The following SCN2A variants were observed in gnomAD, a reference collection of about 807,000 sequenced individuals.
The protein encoded by SCN2A is sodium voltage-gated channel alpha subunit 2, also known as sodium channel protein type 2 subunit alpha.
A neutral mutation model predicts 188.7 loss-of-function variants in SCN2A; 20 were observed. The observed-to-expected ratio is 0.11, with a 90% CI of 0.07 to 0.15. The LOEUF (loss-of-function observed/expected upper bound fraction) is 0.15. Among genes scored for constraint, SCN2A ranks in the 10% least tolerant of loss-of-function variants. The pLI is 1.00. For synonymous variants in SCN2A, 804 were observed against 833.1 expected, an observed-to-expected ratio of 0.97 and a Z score of 0.60; for missense variants, 1,278 against 2,445.0, an observed-to-expected ratio of 0.52 and a Z score of 10.07.
At chr2:165,290,713 A>G (rs1300861435) in intron 1 of SCN2A, 2 of 943,014 alleles carry the variant, frequency 2.1e-6, no homozygotes, top group East Asian at 2.3e-4. Flanking sequence ...TGAAGTTGAC[A>G]CTCATCATAG....
At chr2:165,368,919 TTACCTTTATTA>T (rs1190041667) in intron 19 of SCN2A, among the ~76,000 whole-genome samples, 4 of 145,468 alleles carry the variant, frequency 2.7e-5, no homozygotes, top group African/African-American at 4.9e-5. Context: ...TTTATTTTCT[TTACCTTTATTA>T]TTATTATTAT....
At chr2:165,274,306 A>G (rs941682675) in intron 1 of SCN2A, 1 of 151,444 alleles carries the variant, frequency 6.6e-6, no homozygotes, top group Non-Finnish European at 1.5e-5. Flanking sequence ...CCAATAGTAT[A>G]TTTATGGATT....
chr2:165,344,802 G>A lies in SCN2A; in HGVS notation c.2810G>A (p.Arg937His), dbSNP rs1553579488. 1 of 1,614,140 alleles carries A rather than the reference G, an allele frequency of 6.2e-7. No individual in the cohort carries two copies. The highest frequency in any genetic ancestry group is 8.5e-7 in the Non-Finnish European group (1 of 1,180,038). ...TTCCACTCCTTCCTGATCGTGTTCC[G>A]CGTGCTGTGTGGAGAGTGGATAGAG... ...DFFHSFLIVF[R>H]VLCGEWIETM... Residue 937 changes from arginine to histidine, a missense_variant, in exon 16 of 27, where the codon CGC (arginine) becomes CAC (histidine). Coordinates refer to ENST00000375437, the MANE Select transcript of SCN2A (RefSeq NM_001040142.2).
intron 14 of SCN2A, among the ~76,000 whole-genome samples, chr2:165,337,242 G>A (rs565848917): frequency 1.0e-3 from 154 of 152,148 alleles, no homozygotes; most frequent in Non-Finnish European, 1.9e-3. Context: ...TTGTTAACTT[G>A]GAGCACATTA....
Position 165,291,579 on chromosome 2 carries a change from C to CCTTCCTT in SCN2A, c.-51-4194_-51-4193insCTTCCTT, listed in dbSNP as rs1559340835. On this transcript the variant is annotated intron_variant, in intron 1 of 26. Transcript: ENST00000375437. ...TTCCTTCCTTCCTTCCTTCCTTTCTCTCTCTCTCTCTCTCTCTCTCTTTCT... is the reference window on the plus strand; with the variant it reads ...TTCCTTCCTTCCTTCCTTCCTTTCTCCTTCCTTTCTCTCTCTCTCTCTCTCTCTTTCT... 5.5e-5 allele frequency among the ~76,000 whole-genome samples: 4 copies of CCTTCCTT among 72,882 alleles called. 1 individual carries two copies. The East Asian group carries it at 2.0e-3, about 36-fold the overall frequency. The allele number at this position is 72,882 out of a possible 152,430, so 47.8% of individuals were successfully genotyped here. A position where few individuals can be genotyped will look rare whatever the true frequency, so the allele number is the denominator to read the frequency against.
intron 9 of SCN2A, 46 bp downstream of exon 9, chr2:165,313,807 A>T (rs758984495): frequency 3.1e-6 from 5 of 1,612,936 alleles, no homozygotes; most frequent in Non-Finnish European, 4.2e-6. Context: ...AAAACACCGA[A>T]CTCAAGAGAA....
rs920083210 is a variant in SCN2A at position 165,390,722 on chromosome 2, C to T, written c.*898C>T. ...CACAGTCCCAGCAGCATGACTATCA[C>T]ATTTTTGATAAGTGTCCTTTGGCAT... On this transcript the variant is annotated 3_prime_UTR_variant, in exon 27 of 27. Coordinates refer to ENST00000375437, the MANE Select transcript of SCN2A (RefSeq NM_001040142.2). 3.3e-5 allele frequency: 5 copies of T among 152,388 alleles called. No homozygotes were observed. Among genetic ancestry groups the T allele is most frequent in the Admixed American group, 2.6e-4 (4 of 15,230 alleles). 9.4% of individuals were successfully genotyped at this position (152,388 alleles called of 1,614,324 possible).
chr2:165,281,961 A>C lies in SCN2A; in HGVS notation c.-51-13812A>C, dbSNP rs531458044. 9.2e-5 allele frequency among the ~76,000 whole-genome samples: 14 copies of C among 152,222 alleles called. No individual in the cohort carries two copies. The South Asian group carries it at 2.7e-3, about 29-fold the overall frequency. On this transcript the variant is annotated intron_variant, in intron 1 of 26. Transcript: ENST00000375437. ...GTACTTCCTGCTGTGGATAGGTTCA[A>C]CACTACCTGCACCCCTGCTCCCTGC...
chr2:165,340,597 C>A (rs1212669489), intron 14 of SCN2A, among the ~76,000 whole-genome samples: 1 of 151,922 alleles, frequency 6.6e-6, no homozygotes, highest in Non-Finnish European at 1.5e-5. Context: ...AGGAGGTATG[C>A]TTGAACAGAA....
At chr2:165,244,778 T>C (rs769515605) in intron 1 of SCN2A, among the ~76,000 whole-genome samples, 1 of 152,188 alleles carries the variant, frequency 6.6e-6, no homozygotes, top group Non-Finnish European at 1.5e-5. Flanking sequence ...TTTGCTGGTA[T>C]CTAGGATTAG....
At chr2:165,267,516 A>G (rs760426382) in intron 1 of SCN2A, 2 of 152,014 alleles carry the variant, frequency 1.3e-5, no homozygotes, top group Admixed American at 6.6e-5. Flanking sequence ...AACAACTTAC[A>G]GAACACCTAA....
intron 11 of SCN2A, among the ~76,000 whole-genome samples, chr2:165,317,467 C>G (rs535896586): frequency 1.3e-5 from 2 of 151,932 alleles, no homozygotes; most frequent in Admixed American, 6.6e-5. Flanking sequence ...GAATTTTTGC[C>G]TGAAGTTGTC....
At chr2:165,301,276 A>G (rs1345338114) in intron 3 of SCN2A, among the ~76,000 whole-genome samples, 1 of 152,154 alleles carries the variant, frequency 6.6e-6, no homozygotes, top group Non-Finnish European at 1.5e-5. Context: ...TCTGGAGTTC[A>G]GAAAAGGGCT....
At chr2:165,308,176 G>C (rs1697241272) in intron 4 of SCN2A, among the ~76,000 whole-genome samples, 1 of 152,002 alleles carries the variant, frequency 6.6e-6, no homozygotes, top group Non-Finnish European at 1.5e-5. Context: ...TATCTTCTTT[G>C]TGAGTCTTAT....
intron 14 of SCN2A, among the ~76,000 whole-genome samples, chr2:165,337,993 G>A (rs982827572): frequency 3.9e-5 from 6 of 151,996 alleles, no homozygotes; most frequent in Non-Finnish European, 8.8e-5. Flanking sequence ...CAGGGGTTTG[G>A]CATACAGATT....
intron 20 of SCN2A, 84 bp downstream of exon 20, chr2:165,370,383 C>G (rs1363383919): frequency 7.7e-7 from 1 of 1,290,348 alleles, no homozygotes; most frequent in Non-Finnish European, 1.1e-6. Flanking sequence ...TGTAGGCACT[C>G]AGTAACACTG....
intron 14 of SCN2A, among the ~76,000 whole-genome samples, chr2:165,337,002 C>G (rs994379611): frequency 6.6e-6 from 1 of 150,722 alleles, no homozygotes; most frequent in Non-Finnish European, 1.5e-5. Flanking sequence ...TGGACAGGAA[C>G]AAATTGTTAG....
intron 6 of SCN2A, among the ~76,000 whole-genome samples, chr2:165,309,833 G>A (rs1055305288): frequency 6.6e-6 from 1 of 152,120 alleles, no homozygotes; most frequent in Admixed American, 6.5e-5. Flanking sequence ...TAGCATGAGT[G>A]CTGCATGGGG....
At chr2:165,267,836 G>A (rs1002951288) in intron 1 of SCN2A, 6 of 151,818 alleles carry the variant, frequency 4.0e-5, no homozygotes, top group African/African-American at 1.2e-4. Context: ...TGGCCAACAA[G>A]TGTATGATAA....
Sources: allele counts gnomAD v4.1 joint callset (sites outside exome capture counted in the v4.1 genomes callset), GRCh38; gene constraint gnomAD v4.1.1; transcripts MANE v1.5; gene names NCBI Gene and HGNC (gene_info 2026-07-23, HGNC 2026-07-21).